Variants in THAP6 observed in about 807,000 individuals in gnomAD.
THAP6 encodes THAP domain containing 6.
Under a neutral mutation model 20.0 loss-of-function variants are expected in THAP6, and 13 were observed. That is an observed-to-expected ratio of 0.65 (90% CI 0.42 to 1.03). The LOEUF (loss-of-function observed/expected upper bound fraction) is 1.03. THAP6 is among the 50% of genes least tolerant of loss of function. THAP6 has a pLI of 0.00. For missense variants in THAP6, 262 were observed against 261.6 expected, an observed-to-expected ratio of 1.00 and a Z score of -0.01; for synonymous variants, 93 against 92.2, an observed-to-expected ratio of 1.01 and a Z score of -0.05.
intron 4 of THAP6, 71 bp downstream of exon 4, chr4:75,521,932 T>C: frequency 6.3e-7 from 1 of 1,582,116 alleles, no homozygotes; most frequent in Non-Finnish European, 8.6e-7. Flanking sequence ...TACAATCAAA[T>C]TTTTCAGAAT....
At chr4:75,533,910 C>G (rs184873627), downstream of THAP6, among the ~76,000 whole-genome samples, 244 of 152,118 alleles carry the variant, frequency 1.6e-3, no homozygotes, top group Non-Finnish European at 2.9e-3. Flanking sequence ...ATCCCTCCCC[C>G]TCCCCCCACC....
Position 75,514,598 on chromosome 4 carries a change from G to C in THAP6, c.-21+78G>C. 1.1e-5 allele frequency: 3 copies of C among 268,994 alleles called. No individual in the cohort carries two copies. The South Asian group carries it at 3.1e-4, about 28-fold the overall frequency. The allele number at this position is 268,994 out of a possible 1,614,324, so 16.7% of individuals were successfully genotyped here. On this transcript the variant is annotated intron_variant, in intron 1 of 4. Transcript: ENST00000311638. ...CAGGGCGTAGTTCGGCGCGAGGTTG[G>C]CGGCAGCGGCGCGGAGACGCTGGTT...
At chr4:75,514,190 G>A, upstream of THAP6, 2 of 1,607,362 alleles carry the variant, frequency 1.2e-6, no homozygotes, top group Non-Finnish European at 1.7e-6. Context: ...TCCATAGAAG[G>A]CGTCACCTTT....
At chr4:75,525,975 C>G (rs1372361000) in intron 4 of THAP6, among the ~76,000 whole-genome samples, 1 of 152,162 alleles carries the variant, frequency 6.6e-6, no homozygotes, top group Non-Finnish European at 1.5e-5. Flanking sequence ...CTCTGAAGAT[C>G]TTGAGTTTTT....
At chr4:75,537,827 G>A (rs1726906097) in intron 2 of THAP6, among the ~76,000 whole-genome samples, 1 of 152,184 alleles carries the variant, frequency 6.6e-6, no homozygotes, top group Non-Finnish European at 1.5e-5. Context: ...GAATAGCCAT[G>A]AGCTAAGGAA....
chr4:75,517,078 G>T, intron 3 of THAP6, 99 bp downstream of exon 3: 1 of 879,620 alleles, frequency 1.1e-6, no homozygotes, highest in Non-Finnish European at 1.7e-6. Context: ...GAGTGCAGTG[G>T]CGCGATCTCA....
rs1185337681 is a variant in THAP6 at position 75,516,950 on chromosome 4, T to G, written c.259T>G (p.Ser87Ala). ...NIKLKPGVIP[S>A]IFDSPYHLQG... is the part of the protein sequence containing the mutation. ...TAAACTGAAACCTGGAGTCATACCT[T>G]CTATCTTTGATTCTCCATATCACCT... is the stretch of plus-strand genomic sequence containing the variant. The change falls in exon 3 of 5, where the codon TCT (serine) becomes GCT (alanine). Residue 87 changes from serine (S) to alanine (A), a missense_variant. Physicochemically the swap from Ser to Ala is moderately conservative, Grantham distance 99. Coordinates refer to ENST00000311638, the MANE Select transcript of THAP6 (RefSeq NM_144721.6). 6.2e-7 allele frequency: 1 copy of G among 1,613,848 alleles called. No individual in the cohort carries two copies. The highest frequency in any genetic ancestry group is 1.7e-5 in the Admixed American group (1 of 60,006).
At chr4:75,519,770 A>G (rs1232615483) in intron 3 of THAP6, among the ~76,000 whole-genome samples, 3 of 151,702 alleles carry the variant, frequency 2.0e-5, no homozygotes, top group African/African-American at 4.8e-5. Flanking sequence ...GCTATTGTGA[A>G]TAATGCCGCA....
chr4:75,522,535 G>C (rs1260634525), intron 4 of THAP6: 7 of 151,654 alleles, frequency 4.6e-5, no homozygotes, highest in African/African-American at 1.7e-4. Context: ...CTAGATCTTA[G>C]TCTGTCTAAC....
chr4:75,543,442 C>T (rs1727057253), intron 3 of THAP6, among the ~76,000 whole-genome samples: 2 of 152,152 alleles, frequency 1.3e-5, no homozygotes, highest in East Asian at 3.8e-4. Flanking sequence ...GCAGCCTCTC[C>T]CTTCATGTAG....
intron 3 of THAP6, among the ~76,000 whole-genome samples, chr4:75,545,069 C>T (rs922297421): frequency 6.6e-6 from 1 of 152,166 alleles, no homozygotes; most frequent in Non-Finnish European, 1.5e-5. Flanking sequence ...TAGTAACTAC[C>T]TCATTGGGTT....
chr4:75,530,190 A>ATC (rs761958486), downstream of THAP6, among the ~76,000 whole-genome samples: 47 of 152,280 alleles, frequency 3.1e-4, no homozygotes, highest in Non-Finnish European at 5.6e-4. Flanking sequence ...TCAGCACAAT[A>ATC]TGGACCTATC....
In THAP6 at chr4:75,528,650, T is replaced by G; in HGVS notation, c.*1436T>G. Reference sequence around the variant, plus strand: ...TTTATGTAGGATTCCAAACCTTCCCTCTAAATGGGATTTAACCCACATCTG... The same window carrying G: ...TTTATGTAGGATTCCAAACCTTCCCGCTAAATGGGATTTAACCCACATCTG... On this transcript the variant is annotated 3_prime_UTR_variant, in exon 5 of 5. Transcript: ENST00000311638. 1.0e-6 allele frequency: 1 copy of G among 985,106 alleles called. No individual in the cohort carries two copies. The highest frequency in any genetic ancestry group is 1.2e-6 in the Non-Finnish European group (1 of 829,780). 61.0% of individuals were successfully genotyped at this position (985,106 alleles called of 1,614,324 possible).
intron 1 of THAP6, 48 bp downstream of exon 1, chr4:75,514,568 A>G: frequency 3.1e-6 from 1 of 327,138 alleles, no homozygotes; most frequent in Non-Finnish European, 5.6e-6. Flanking sequence ...TACCCGCCCA[A>G]ATCTCAGGGC....
At position 75,521,825 on chromosome 4, in the gene THAP6, C is replaced by T; in HGVS notation, c.378C>T (p.Ser126=). 5 of 1,613,462 alleles carry T rather than the reference C, an allele frequency of 3.1e-6. No homozygotes were observed. The highest frequency in any genetic ancestry group is 4.2e-6 in the Non-Finnish European group (5 of 1,179,604). The change falls in exon 4 of 5, where the codon TCC becomes TCT. Residue 126 remains serine, a synonymous_variant. Coordinates refer to ENST00000311638, the MANE Select transcript of THAP6 (RefSeq NM_144721.6). The stretch of plus-strand genomic sequence containing the variant: ...ACAATCACCATCTTGTTGGTGCTTC[C>T]TCATGTATTGAAGAATTCCAATCCC... The part of the protein sequence containing the change: ...TNYNHHLVGA[S]SCIEEFQSQF...
intron 2 of THAP6, chr4:75,542,367 A>G (rs11722735): frequency 0.31 from 216,923 of 697,032 alleles, 34,407 homozygotes; most frequent in Middle Eastern, 0.43. Context: ...GCTGATCGCA[A>G]TTTTCATAAA....
chr4:75,516,928 A>G lies in THAP6; in HGVS notation c.237A>G (p.Lys79=), dbSNP rs1386805591. 1 of 1,613,810 alleles carries G rather than the reference A, an allele frequency of 6.2e-7. No homozygotes were observed. Among genetic ancestry groups the G allele is most frequent in the Admixed American group, 1.7e-5 (1 of 59,984 alleles). ...TTGACAGAAGTGCTCCAAATATTAA[A>G]CTGAAACCTGGAGTCATACCTTCTA... The part of the protein sequence containing the change: ...TDFDRSAPNI[K]LKPGVIPSIF... Residue 79 remains lysine, a synonymous_variant, in exon 3 of 5, where the codon AAA becomes AAG. Transcript: ENST00000311638.
At chr4:75,543,595 G>A (rs921911087) in intron 3 of THAP6, among the ~76,000 whole-genome samples, 3 of 152,196 alleles carry the variant, frequency 2.0e-5, no homozygotes, top group African/African-American at 7.2e-5. Flanking sequence ...AATATCTGTG[G>A]CCATAGGAAT....
downstream of THAP6, among the ~76,000 whole-genome samples, chr4:75,533,710 G>C (rs1343931989): frequency 6.6e-6 from 1 of 152,052 alleles, no homozygotes; most frequent in African/African-American, 2.4e-5. Context: ...ATGGCAGCAG[G>C]CAAAAAGAGC....
Sources: allele counts gnomAD v4.1 joint callset (sites outside exome capture counted in the v4.1 genomes callset), GRCh38; gene constraint gnomAD v4.1.1; transcripts MANE v1.5; gene names NCBI Gene and HGNC (gene_info 2026-07-23, HGNC 2026-07-21).